NAA60: variants seen among roughly 807,000 people sequenced by gnomAD.
NAA60 encodes the protein N-alpha-acetyltransferase 60.
A neutral mutation model predicts 26.1 loss-of-function variants in NAA60; 8 were observed. The ratio of observed to expected loss-of-function variants is 0.31; its 90% CI spans 0.18 to 0.55. The LOEUF (loss-of-function observed/expected upper bound fraction) is 0.55. Ranked by LOEUF, NAA60 falls within the 20% of genes least tolerant of loss-of-function variation. The probability of loss-of-function intolerance (pLI) is 0.93; values close to 1 mark genes in which losing one functional copy is unlikely to be tolerated. For synonymous variants in NAA60, 131 were observed against 122.5 expected (o/e 1.07, Z -0.46); for missense variants, 290 against 311.3 (o/e 0.93, Z 0.51).
At chr16:3,471,738 A>G (rs76127914) in intron 2 of NAA60, among the ~76,000 whole-genome samples, 9,323 of 152,062 alleles carry the variant, frequency 0.061, 376 homozygotes, top group Admixed American at 0.084. Context: ...TTTCAGAGCC[A>G]GCTGGCCCTG....
intron 2 of NAA60, among the ~76,000 whole-genome samples, chr16:3,465,711 C>T (rs1274996468): frequency 6.6e-6 from 1 of 152,102 alleles, no homozygotes; most frequent in East Asian, 1.9e-4. Context: ...CAGGGGATGG[C>T]ACTTTTCATG....
intron 4 of NAA60, 144 bp downstream of exon 4, chr16:3,479,744 G>A: frequency 1.1e-6 from 1 of 887,008 alleles, no homozygotes; most frequent in Non-Finnish European, 1.7e-6. Context: ...AACGACACTT[G>A]TCCCTGGCTG....
chr16:3,479,095 C>T (rs1218992168), intron 3 of NAA60, among the ~76,000 whole-genome samples: 2 of 152,036 alleles, frequency 1.3e-5, no homozygotes, highest in African/African-American at 4.8e-5. Flanking sequence ...ACAAAATTAG[C>T]CGGGCGTGGT....
chr16:3,481,394 T>C (rs1480062232), intron 4 of NAA60, among the ~76,000 whole-genome samples: 1 of 152,188 alleles, frequency 6.6e-6, no homozygotes, highest in African/African-American at 2.4e-5. Flanking sequence ...CTGATCTCTC[T>C]TGTTAATGGG....
Position 3,484,847 on chromosome 16 carries a change from A to G in NAA60, c.721A>G (p.Thr241Ala). 6.4e-7 allele frequency: 1 copy of G among 1,560,568 alleles called. No homozygotes were observed. Among genetic ancestry groups the G allele is most frequent in the South Asian group, 1.2e-5 (1 of 84,774 alleles). The change falls in exon 7 of 8, where the codon ACC (threonine) becomes GCC (alanine). Residue 241 changes from threonine (T) to alanine (A), a missense_variant. Thr to Ala is a moderately conservative substitution (Grantham distance 58, BLOSUM62 0). Transcript: ENST00000407558. Reference protein sequence around the residue: ...SSKSGIEYSRTM With the variant: ...SSKSGIEYSRAM Reference sequence around the variant, plus strand: ...CAAGAGTGGCATCGAGTACAGCCGGACCATGTGATGTCGGCTGGGCAGCCG... The same window carrying G: ...CAAGAGTGGCATCGAGTACAGCCGGGCCATGTGATGTCGGCTGGGCAGCCG...
Position 3,484,908 on chromosome 16 carries a change from C to A in NAA60, c.*53C>A. 1 of 1,547,936 alleles carries A rather than the reference C, an allele frequency of 6.5e-7. No homozygotes were observed. The highest frequency in any genetic ancestry group is 2.4e-5 in the East Asian group (1 of 40,930). On this transcript the variant is annotated 3_prime_UTR_variant, in exon 7 of 8. Transcript: ENST00000407558. ...CCACCCTTCGGCCGCCCGCAGAGCC[C>A]GCCTTCCTGTCCATCTGACCCCTTC...
chr16:3,481,831 C>G (rs1211076679), intron 4 of NAA60, among the ~76,000 whole-genome samples: 1 of 152,180 alleles, frequency 6.6e-6, no homozygotes. Flanking sequence ...GGAGCCTGGA[C>G]AGGCTGACCC....
At position 3,484,845 on chromosome 16, in the gene NAA60, G is replaced by A. The variant is rs1388296561; in HGVS notation, c.719G>A (p.Arg240Gln). 17 of 1,561,138 alleles carry A rather than the reference G, an allele frequency of 1.1e-5. No homozygotes were observed. The highest frequency in any genetic ancestry group is 7.6e-5 in the Admixed American group (4 of 52,376). ...TCCAAGAGTGGCATCGAGTACAGCCGGACCATGTGATGTCGGCTGGGCAGC... is the reference window on the plus strand; with the variant it reads ...TCCAAGAGTGGCATCGAGTACAGCCAGACCATGTGATGTCGGCTGGGCAGC... The part of the protein sequence containing the change: ...ISSKSGIEYS[R>Q]TM The change falls in exon 7 of 8, where the codon CGG (arginine) becomes CAG (glutamine). Residue 240 changes from arginine (R) to glutamine (Q), a missense_variant. Arg to Gln is a conservative substitution (Grantham distance 43). Coordinates refer to ENST00000407558, the MANE Select transcript of NAA60 (RefSeq NM_001083601.3).
intron 2 of NAA60, among the ~76,000 whole-genome samples, chr16:3,454,246 A>C (rs971556181): frequency 6.6e-4 from 101 of 152,302 alleles, no homozygotes; most frequent in Non-Finnish European, 5.9e-5. Flanking sequence ...TTTAGGATAC[A>C]GGCAAGTGCC....
chr16:3,485,260 T>C (rs1386149119), intron 7 of NAA60, 199 bp downstream of exon 7: 2 of 630,858 alleles, frequency 3.2e-6, no homozygotes, highest in Non-Finnish European at 5.9e-6. Context: ...GCAACTGGGC[T>C]GTGCACCCGA....
intron 1 of NAA60, 76 bp from the exon 2 acceptor site, chr16:3,448,395 C>T: frequency 8.3e-7 from 1 of 1,200,926 alleles, no homozygotes; most frequent in East Asian, 2.6e-5. Flanking sequence ...GTTTGTCTGA[C>T]ACTCATTAGC....
intron 2 of NAA60, among the ~76,000 whole-genome samples, chr16:3,473,958 T>C (rs7206748): frequency 0.14 from 21,725 of 152,090 alleles, 1,649 homozygotes; most frequent in East Asian, 0.21. Flanking sequence ...GGTCTTGAAC[T>C]ACTGACCTCA....
intron 4 of NAA60, among the ~76,000 whole-genome samples, chr16:3,481,643 C>G (rs1196106103): frequency 6.6e-6 from 1 of 152,186 alleles, no homozygotes; most frequent in Non-Finnish European, 1.5e-5. Context: ...TCATCTGGCC[C>G]CTTCCTCTCA....
chr16:3,469,785 G>A (rs1442674622), intron 2 of NAA60, among the ~76,000 whole-genome samples: 1 of 152,256 alleles, frequency 6.6e-6, no homozygotes, highest in Non-Finnish European at 1.5e-5. Flanking sequence ...GAAGGTTCTA[G>A]GTGGGCACAT....
At position 3,448,553 on chromosome 16, in the gene NAA60, G is replaced by C; in HGVS notation, c.-7+13G>C. 8 of 1,533,564 alleles carry C rather than the reference G, an allele frequency of 5.2e-6. No individual in the cohort carries two copies. Among genetic ancestry groups the C allele is most frequent in the Non-Finnish European group, 7.0e-6 (8 of 1,145,134 alleles). 95.0% of individuals were successfully genotyped at this position (1,533,564 alleles called of 1,614,324 possible). A position where few individuals can be genotyped will look rare whatever the true frequency, so the allele number is the denominator to read the frequency against. On this transcript the variant is annotated intron_variant, in intron 2 of 7. Coordinates refer to ENST00000407558, the MANE Select transcript of NAA60 (RefSeq NM_001083601.3). ...AGAGCTCCAGAGAGTGAGTCAAAGC[G>C]CTCTGTGTCCTGCTATTAATGATGC...
chr16:3,486,920 C>CTCATTACG lies in NAA60; in HGVS notation c.*1661_*1668dup, dbSNP rs1181944733. The CTCATTACG allele has an allele frequency of 1.3e-5, 2 of 152,596 alleles. No individual in the cohort carries two copies. Among genetic ancestry groups the CTCATTACG allele is most frequent in the African/African-American group, 4.8e-5 (2 of 41,454 alleles). 9.5% of individuals were successfully genotyped at this position (152,596 alleles called of 1,614,324 possible). ...TGTTGAACAGATTGTAGCGTTCTGT[C>CTCATTACG]TCATTACGAGCAAATAAATAGACTT... is the stretch of plus-strand genomic sequence containing the variant. On this transcript the variant is annotated 3_prime_UTR_variant, in exon 8 of 8. Coordinates refer to ENST00000407558, the MANE Select transcript of NAA60 (RefSeq NM_001083601.3).
intron 1 of NAA60, among the ~76,000 whole-genome samples, chr16:3,448,102 G>A (rs547558513): frequency 1.3e-5 from 2 of 152,074 alleles, no homozygotes; most frequent in Non-Finnish European, 1.5e-5. Flanking sequence ...ATACAGTGAG[G>A]ACAGAGAAGA....
intron 2 of NAA60, among the ~76,000 whole-genome samples, chr16:3,454,648 G>A (rs2034906991): frequency 6.6e-6 from 1 of 152,174 alleles, no homozygotes; most frequent in Non-Finnish European, 1.5e-5. Flanking sequence ...AGAGAGAAAG[G>A]AACCATGAAA....
At chr16:3,482,084 T>G (rs2151018447) in intron 4 of NAA60, among the ~76,000 whole-genome samples, 1 of 152,288 alleles carries the variant, frequency 6.6e-6, no homozygotes, top group East Asian at 1.9e-4. Flanking sequence ...ATTCTTTAAC[T>G]GAACCTCTAA....
Sources: gnomAD v4.1 joint callset for allele counts (sites outside exome capture counted in the v4.1 genomes callset) on GRCh38, gnomAD v4.1.1 for gene constraint, MANE v1.5 for transcripts, NCBI Gene and HGNC (gene_info 2026-07-23, HGNC 2026-07-21) for gene names.